The following TULP4 variants were observed in gnomAD, a reference collection of about 807,000 sequenced individuals.
TULP4 encodes the protein TUB like protein 4.
In TULP4, 16 loss-of-function variants were observed where a neutral mutation model predicts 129.0. The observed-to-expected ratio is 0.12, with a 90% CI of 0.08 to 0.19. TULP4 has a LOEUF of 0.19. Among genes scored for constraint, TULP4 ranks in the 10% least tolerant of loss-of-function variants. The pLI is 1.00. For synonymous variants in TULP4, 998 were observed against 854.0 expected (o/e 1.17, Z -2.94); for missense variants, 1,842 against 2,059.1 (o/e 0.89, Z 2.04).
At chr6:158,323,538 A>AACCG (rs397778842) in intron 1 of TULP4, among the ~76,000 whole-genome samples, 4 of 151,732 alleles carry the variant, frequency 2.6e-5, no homozygotes, top group African/African-American at 9.7e-5. Context: ...CTAGGTGACC[A>AACCG]CATCTACCTT....
intron 2 of TULP4, among the ~76,000 whole-genome samples, chr6:158,423,178 C>G (rs934463140): frequency 4.0e-5 from 6 of 148,758 alleles, no homozygotes; most frequent in Non-Finnish European, 8.9e-5. Flanking sequence ...TATCTGCCTA[C>G]AATAATAACT....
At chr6:158,341,851 A>C (rs759092663) in intron 1 of TULP4, among the ~76,000 whole-genome samples, 1 of 152,062 alleles carries the variant, frequency 6.6e-6, no homozygotes, top group African/African-American at 2.4e-5. Flanking sequence ...ACTTTCTCCC[A>C]TTCTGTGAGT....
intron 1 of TULP4, among the ~76,000 whole-genome samples, chr6:158,352,262 A>G (rs1780542800): frequency 6.6e-6 from 1 of 152,214 alleles, no homozygotes; most frequent in Non-Finnish European, 1.5e-5. Flanking sequence ...TGGAGTCTAA[A>G]ATTTCTAGAT....
At chr6:158,426,620 A>G (rs1778500901) in intron 2 of TULP4, among the ~76,000 whole-genome samples, 2 of 152,194 alleles carry the variant, frequency 1.3e-5, no homozygotes, top group Non-Finnish European at 2.9e-5. Context: ...TGGTTACTGT[A>G]GCCCTGTAGT....
At chr6:158,253,408 G>A (rs1034592710) in intron 1 of TULP4, among the ~76,000 whole-genome samples, 1 of 152,154 alleles carries the variant, frequency 6.6e-6, no homozygotes, top group African/African-American at 2.4e-5. Flanking sequence ...CTGCCCTGCC[G>A]TAAGTGGAGA....
chr6:158,501,869 C>T lies in TULP4; in HGVS notation c.2206C>T (p.His736Tyr). The change falls in exon 13 of 14, where the codon CAT (histidine) becomes TAT (tyrosine). Residue 736 changes from histidine (H) to tyrosine (Y), a missense_variant. Physicochemically the swap from His to Tyr is moderately conservative, Grantham distance 83 (BLOSUM62 2). This residue lies in a region of TULP4 where 1,089 missense variants were observed against 987.1 expected (regional missense o/e 1.10). Coordinates refer to ENST00000367097, the MANE Select transcript of TULP4 (RefSeq NM_020245.5). ...NQTTAVGTAE[H>Y]AGDSATQYPV... Reference sequence around the variant, plus strand: ...GACGACAGCTGTAGGGACAGCAGAACATGCAGGTGACAGTGCCACCCAGTA... The same window carrying T: ...GACGACAGCTGTAGGGACAGCAGAATATGCAGGTGACAGTGCCACCCAGTA... 1 of 1,614,168 alleles carries T rather than the reference C, an allele frequency of 6.2e-7. No individual in the cohort carries two copies. Among genetic ancestry groups the T allele is most frequent in the Non-Finnish European group, 8.5e-7 (1 of 1,180,024 alleles).
intron 1 of TULP4, among the ~76,000 whole-genome samples, chr6:158,346,813 G>A (rs1780323981): frequency 4.5e-5 from 1 of 21,984 alleles, no homozygotes; most frequent in Non-Finnish European, 1.0e-4. Context: ...CTTTCCTCAT[G>A]ACTTGATGAT....
At chr6:158,376,150 G>C (rs1457671120) in intron 1 of TULP4, among the ~76,000 whole-genome samples, 1 of 152,172 alleles carries the variant, frequency 6.6e-6, no homozygotes, top group African/African-American at 2.4e-5. Flanking sequence ...CACTCATGTT[G>C]CAGTTGTCTA....
Position 158,413,332 on chromosome 6 carries a change from A to G in TULP4, c.381+139A>G. 1 of 1,050,676 alleles carries G rather than the reference A, an allele frequency of 9.5e-7. No individual in the cohort carries two copies. 65.1% of individuals were successfully genotyped at this position (1,050,676 alleles called of 1,614,324 possible). A position where few individuals can be genotyped will look rare whatever the true frequency, so the allele number is the denominator to read the frequency against. Reference sequence around the variant, plus strand: ...GGGAAGAGAAATCAATCAAATTAGAATCCTACTTTTCATTTCTCTCACATA... The same window carrying G: ...GGGAAGAGAAATCAATCAAATTAGAGTCCTACTTTTCATTTCTCTCACATA... On this transcript the variant is annotated intron_variant, in intron 2 of 13. Coordinates refer to ENST00000367097, the MANE Select transcript of TULP4 (RefSeq NM_020245.5). This position sits in a 1 kb window ranked among gnomAD's most constrained non-coding sequence, Gnocchi z 4.9.
intron 1 of TULP4, among the ~76,000 whole-genome samples, chr6:158,373,884 A>T (rs1021749566): frequency 2.0e-5 from 3 of 152,336 alleles, no homozygotes; most frequent in South Asian, 2.1e-4. Context: ...GGTAGGTTTC[A>T]TATGGGCGGG....
rs1207984007 is a variant in TULP4 at position 158,313,232 on chromosome 6, T to A, written c.-785T>A. 2.8e-6 allele frequency: 1 copy of A among 355,572 alleles called. No individual in the cohort carries two copies. Among genetic ancestry groups the A allele is most frequent in the African/African-American group, 2.1e-5 (1 of 47,778 alleles). 22.0% of individuals were successfully genotyped at this position (355,572 alleles called of 1,614,324 possible). A position where few individuals can be genotyped will look rare whatever the true frequency, so the allele number is the denominator to read the frequency against. ...CTATGGCACTGAGGGGTGCGCCGGC[T>A]GGTGGAGGAGCAGTCCGATGGAGCC... On this transcript the variant is annotated 5_prime_UTR_variant, in exon 1 of 14. Transcript: ENST00000367097.
intron 2 of TULP4, among the ~76,000 whole-genome samples, chr6:158,424,259 C>G (rs1025437875): frequency 6.6e-6 from 1 of 151,954 alleles, no homozygotes; most frequent in Admixed American, 6.6e-5. Context: ...TGTATACTTA[C>G]TTATTTACTT....
chr6:158,428,265 A>T (rs1159581595), intron 2 of TULP4: 2 of 152,224 alleles, frequency 1.3e-5, no homozygotes, highest in African/African-American at 2.4e-5. Flanking sequence ...GTTTATACAA[A>T]TTCTTCTGGG....
chr6:158,313,691 C>G lies in TULP4; in HGVS notation c.-326C>G, dbSNP rs1003568896. The G allele has an allele frequency of 6.1e-5, 28 of 460,230 alleles. No homozygotes were observed. The highest frequency in any genetic ancestry group is 7.6e-5 in the Admixed American group (2 of 26,408). The allele number at this position is 460,230 out of a possible 1,614,324, so 28.5% of individuals were successfully genotyped here. ...AAAGAAGAAAACCGTTTCTTGATCA[C>G]CACTTAATTAACGATGCTCTTTCTC... On this transcript the variant is annotated 5_prime_UTR_variant, in exon 1 of 14. Transcript: ENST00000367097.
At chr6:158,484,825 C>A (rs1047410826) in intron 8 of TULP4, among the ~76,000 whole-genome samples, 1 of 152,376 alleles carries the variant, frequency 6.6e-6, no homozygotes, top group South Asian at 2.1e-4. Context: ...TGTGTGTGCA[C>A]GCACGCTTGT....
chr6:158,389,401 G>A (rs1163082314), intron 1 of TULP4, among the ~76,000 whole-genome samples: 4 of 152,176 alleles, frequency 2.6e-5, no homozygotes, highest in Non-Finnish European at 2.9e-5. Context: ...GCAGTGAGCC[G>A]AGATTGCATC....
At chr6:158,440,317 CAAAAAAA>C (rs34200003) in intron 3 of TULP4, among the ~76,000 whole-genome samples, 2,428 of 86,056 alleles carry the variant, frequency 0.028, 74 homozygotes, top group African/African-American at 0.11. Context: ...GTCCCTGTCT[CAAAAAAA>C]AAAAAAAAAA....
At chr6:158,495,529 G>A (rs1780317503) in intron 11 of TULP4, among the ~76,000 whole-genome samples, 1 of 152,224 alleles carries the variant, frequency 6.6e-6, no homozygotes, top group Admixed American at 6.5e-5. Context: ...AAGTGGAGAA[G>A]AAAGCATTAG....
chr6:158,352,399 A>C (rs1458236911), intron 1 of TULP4, among the ~76,000 whole-genome samples: 1 of 152,172 alleles, frequency 6.6e-6, no homozygotes, highest in Non-Finnish European at 1.5e-5. Context: ...ATATGGACTG[A>C]CACTGGTTCT....
Sources: gnomAD v4.1 joint callset for allele counts (sites outside exome capture counted in the v4.1 genomes callset) on GRCh38, gnomAD v4.1.1 for gene constraint, gnomAD v4.1.1 regional missense constraint, Gnocchi (gnomAD v3.1) non-coding constraint, MANE v1.5 for transcripts, NCBI Gene and HGNC (gene_info 2026-07-23, HGNC 2026-07-21) for gene names.